The following PSMF1 variants were observed in gnomAD, a reference collection of about 807,000 sequenced individuals.
The protein encoded by PSMF1 is proteasome inhibitor subunit 1.
Under a neutral mutation model 29.3 loss-of-function variants are expected in PSMF1, and 30 were observed. That is an observed-to-expected ratio of 1.02 (90% confidence interval 0.77 to 1.39). The LOEUF (loss-of-function observed/expected upper bound fraction) is 1.39, where lower values mean the gene tolerates loss of function less well. PSMF1 is among the 40% of genes most tolerant of loss of function. The probability of loss-of-function intolerance (pLI) is 0.00; values close to 1 mark genes in which losing one functional copy is unlikely to be tolerated. For missense variants in PSMF1, 344 were observed against 357.5 expected (o/e 0.96, Z 0.31); for synonymous variants, 134 against 139.7 (o/e 0.96, Z 0.29).
At chr20:1,121,706 C>T (rs1308482358) in intron 1 of PSMF1, among the ~76,000 whole-genome samples, 1 of 152,134 alleles carries the variant, frequency 6.6e-6, no homozygotes, top group African/African-American at 2.4e-5. Flanking sequence ...AAATGGAAAG[C>T]TAGATTGTCT....
intron 3 of PSMF1, among the ~76,000 whole-genome samples, chr20:1,129,443 C>T (rs2086201204): frequency 6.6e-6 from 1 of 152,172 alleles, no homozygotes; most frequent in South Asian, 2.1e-4. Context: ...ACTTTCAAAC[C>T]ACTGGCCTCC....
chr20:1,165,233 A>G lies in PSMF1; in HGVS notation c.*153A>G. On this transcript the variant is annotated 3_prime_UTR_variant, in exon 7 of 7. Transcript: ENST00000335877. ...TGGGATAGCCTCCCCACCCCTTATC[A>G]GAGCCAAGACACCTGCTGCAGCTCT... is the stretch of plus-strand genomic sequence containing the variant. 1 of 1,457,630 alleles carries G rather than the reference A, an allele frequency of 6.9e-7. No homozygotes were observed. The allele number at this position is 1,457,630 out of a possible 1,614,324, so 90.3% of individuals were successfully genotyped here.
chr20:1,116,648 C>A (rs2086014354), upstream of PSMF1, among the ~76,000 whole-genome samples: 1 of 152,184 alleles, frequency 6.6e-6, no homozygotes, highest in Non-Finnish European at 1.5e-5. Flanking sequence ...AGAAGGCACT[C>A]AGGTACATAT....
At chr20:1,151,895 T>C (rs551079286) in intron 4 of PSMF1, among the ~76,000 whole-genome samples, 1 of 152,306 alleles carries the variant, frequency 6.6e-6, no homozygotes, top group Non-Finnish European at 1.5e-5. Flanking sequence ...TGAAATCATC[T>C]TGTAGAAGTG....
At chr20:1,118,557 C>A (rs530498439), upstream of PSMF1, 1 of 497,394 alleles carries the variant, frequency 2.0e-6, no homozygotes, top group Non-Finnish European at 3.4e-6. Flanking sequence ...GCGTTGCCAA[C>A]CCGGCGCGCC....
upstream of PSMF1, among the ~76,000 whole-genome samples, chr20:1,116,035 C>CTT (rs11473727): frequency 0.75 from 109,239 of 144,844 alleles, 41,918 homozygotes; most frequent in South Asian, 0.93. Flanking sequence ...CTGGCCAGTA[C>CTT]TTTTTTTTTT....
chr20:1,132,384 T>C (rs989479978), intron 3 of PSMF1, among the ~76,000 whole-genome samples: 2 of 152,036 alleles, frequency 1.3e-5, no homozygotes, highest in Non-Finnish European at 2.9e-5. Context: ...CAAGTGATTC[T>C]CCTGCCTCAA....
intron 4 of PSMF1, chr20:1,161,102 T>C: frequency 2.1e-6 from 1 of 468,974 alleles, no homozygotes; most frequent in East Asian, 5.8e-5. Context: ...CACGCCATCC[T>C]GCGTCTGGAC....
chr20:1,158,216 TA>T (rs11380096), intron 4 of PSMF1, among the ~76,000 whole-genome samples: 1 of 151,410 alleles, frequency 6.6e-6, no homozygotes, highest in South Asian at 2.1e-4. Context: ...AAAACTAAAT[TA>T]AAAAAAAACT....
intron 4 of PSMF1, among the ~76,000 whole-genome samples, chr20:1,138,445 C>G (rs926923795): frequency 4.6e-5 from 7 of 151,494 alleles, no homozygotes; most frequent in Non-Finnish European, 1.0e-4. Flanking sequence ...ATCGCTTGAA[C>G]CCGGGAGGTG....
Position 1,170,212 on chromosome 20 carries a change from G to A in PSMF1, c.*5132G>A, listed in dbSNP as rs2086776518. Among the ~76,000 whole-genome samples, 2 of 152,216 alleles carry A rather than the reference G, an allele frequency of 1.3e-5. No individual in the cohort carries two copies. Among genetic ancestry groups the A allele is most frequent in the South Asian group, 2.1e-4 (1 of 4,830 alleles). On this transcript the variant is annotated 3_prime_UTR_variant, in exon 7 of 7. Coordinates refer to ENST00000335877, the MANE Select transcript of PSMF1 (RefSeq NM_006814.5). ...TCAAGCCCCACCCCAGACATTGAAT[G>A]AGAATCTGCATTTTAACAAGTTCTC...
rs1329993969 is a variant in PSMF1 at position 1,165,126 on chromosome 20, AGCTGCCACC to A, written c.*51_*59del. ...CCCAGGCTTCCCTCCATTCTCCTGGAGCTGCCACCGCTGTCCCCATCAGCAACCATGTTC... is the reference window on the plus strand; with the variant it reads ...CCCAGGCTTCCCTCCATTCTCCTGGAGCTGTCCCCATCAGCAACCATGTTC... On this transcript the variant is annotated 3_prime_UTR_variant, in exon 7 of 7. Coordinates refer to ENST00000335877, the MANE Select transcript of PSMF1 (RefSeq NM_006814.5). 5 of 1,613,842 alleles carry A rather than the reference AGCTGCCACC, an allele frequency of 3.1e-6. No individual in the cohort carries two copies. The highest frequency in any genetic ancestry group is 4.2e-6 in the Non-Finnish European group (5 of 1,179,938).
intron 4 of PSMF1, among the ~76,000 whole-genome samples, chr20:1,147,517 CA>C (rs1288452258): frequency 6.6e-6 from 1 of 152,142 alleles, no homozygotes; most frequent in African/African-American, 2.4e-5. Flanking sequence ...TGGAGAAGCC[CA>C]TCCCCTTTCT....
chr20:1,128,961 T>C (rs2086195053), intron 3 of PSMF1, among the ~76,000 whole-genome samples: 2 of 151,936 alleles, frequency 1.3e-5, no homozygotes, highest in Non-Finnish European at 2.9e-5. Flanking sequence ...CTGCAAGCTC[T>C]ACCTCCCGGG....
chr20:1,164,421 G>T lies in PSMF1; in HGVS notation c.709G>T (p.Val237Leu). The stretch of plus-strand genomic sequence containing the variant: ...CCCGAACCGACTTCCTCCAGGCGCT[G>T]TGCCCCCAGGAGCTCGCTTTGACCC... Reference protein sequence around the residue: ...GLPNRLPPGAVPPGARFDPFG... With the variant: ...GLPNRLPPGALPPGARFDPFG... Residue 237 changes from valine to leucine, a missense_variant, in exon 6 of 7, where the codon GTG becomes TTG. Coordinates refer to ENST00000335877, the MANE Select transcript of PSMF1 (RefSeq NM_006814.5). This position sits in a 1 kb window ranked among gnomAD's most constrained non-coding sequence, Gnocchi z 4.1. 1 of 1,614,158 alleles carries T rather than the reference G, an allele frequency of 6.2e-7. No homozygotes were observed. The highest frequency in any genetic ancestry group is 2.2e-5 in the East Asian group (1 of 44,866).
chr20:1,162,365 C>T (rs1255049216), intron 4 of PSMF1, among the ~76,000 whole-genome samples: 1 of 151,612 alleles, frequency 6.6e-6, no homozygotes, highest in African/African-American at 2.4e-5. Flanking sequence ...GGCCTAGCAG[C>T]ACATCATTGT....
chr20:1,118,515 A>G (rs1444242933), upstream of PSMF1: 4 of 351,324 alleles, frequency 1.1e-5, no homozygotes, highest in African/African-American at 8.5e-5. Context: ...CCCCGCTCGC[A>G]CTCCCTGGCG....
chr20:1,118,695 G>A lies in PSMF1; in HGVS notation c.-79G>A. 2 of 1,484,962 alleles carry A rather than the reference G, an allele frequency of 1.3e-6. No individual in the cohort carries two copies. The highest frequency in any genetic ancestry group is 1.8e-6 in the Non-Finnish European group (2 of 1,094,780). 92.0% of individuals were successfully genotyped at this position (1,484,962 alleles called of 1,614,324 possible). A position where few individuals can be genotyped will look rare whatever the true frequency, so the allele number is the denominator to read the frequency against. On this transcript the variant is annotated 5_prime_UTR_variant, in exon 1 of 7. Coordinates refer to ENST00000335877, the MANE Select transcript of PSMF1 (RefSeq NM_006814.5). ...AGCGCAAGAGGGAAGCAGAGTTATA[G>A]CTACCCCGGCCGCGGAGCCGGCTCA...
rs2086783576 is a variant in PSMF1, at chr20:1,170,903, C to G, written c.*5823C>G. 6.6e-6 allele frequency among the ~76,000 whole-genome samples: 1 copy of G among 152,056 alleles called. No individual in the cohort carries two copies. The highest frequency in any genetic ancestry group is 2.4e-5 in the African/African-American group (1 of 41,382). On this transcript the variant is annotated 3_prime_UTR_variant, in exon 7 of 7. Transcript: ENST00000335877. ...AGGCTTCTCCTCATCGCATGTAGTA[C>G]CCCTGACAACCCCAAGGTAAACACA...
Sources: gnomAD v4.1 joint callset for allele counts (sites outside exome capture counted in the v4.1 genomes callset) on GRCh38, gnomAD v4.1.1 for gene constraint, Gnocchi (gnomAD v3.1) non-coding constraint, MANE v1.5 for transcripts, NCBI Gene and HGNC (gene_info 2026-07-23, HGNC 2026-07-21) for gene names.